The following NUMA1 variants were observed in gnomAD, a reference collection of about 807,000 sequenced individuals.
NUMA1 encodes the protein nuclear mitotic apparatus protein 1.
Under a neutral mutation model 237.1 loss-of-function variants are expected in NUMA1, and 62 were observed. The observed-to-expected ratio is 0.26, with a 90% CI of 0.21 to 0.32. NUMA1 has a LOEUF of 0.32. NUMA1 is among the 10% of genes least tolerant of loss of function. The pLI, the probability that NUMA1 is intolerant of heterozygous loss-of-function variation, is 1.00. For missense variants in NUMA1, 2,533 were observed against 2,666.5 expected, an observed-to-expected ratio of 0.95 and a Z score of 1.10; for synonymous variants, 1,028 against 1,066.1, an observed-to-expected ratio of 0.96 and a Z score of 0.70.
rs141971998 is a variant in NUMA1, at chr11:72,074,194, C to CAAAACAAAAACAAAGACAAAA, written c.-102-4284_-102-4283insTTTTGTCTTTGTTTTTGTTTT. 2.7e-4 allele frequency among the ~76,000 whole-genome samples: 41 copies of CAAAACAAAAACAAAGACAAAA among 149,908 alleles called. No homozygotes were observed. The East Asian group carries it at 3.4e-3, about 12-fold the overall frequency. On this transcript the variant is annotated intron_variant, in intron 1 of 26. Transcript: ENST00000393695. ...GGGCACCAGGAGCGAAACTCCATCTCAAAAAAAATTAACCAGACGGTAGTG... is the reference window on the plus strand; with the variant it reads ...GGGCACCAGGAGCGAAACTCCATCTCAAAACAAAAACAAAGACAAAAAAAAAAAATTAACCAGACGGTAGTG...
At chr11:72,055,974 AC>A (rs1942615035) in intron 2 of NUMA1, among the ~76,000 whole-genome samples, 1 of 4,540 alleles carries the variant, frequency 2.2e-4, no homozygotes, top group Non-Finnish European at 2.5e-3. Flanking sequence ...ATACACACAC[AC>A]ACACACACAC....
rs1368647971 is a variant in NUMA1, at chr11:72,003,909, G to A, written c.6314C>T (p.Ala2105Val). ...ASAATAAAIG[A>V]TPRAKGKAKH Reference sequence around the variant, plus strand: ...TACCTTGCCCTTGGCTCGAGGGGTGGCACCAATGGCGGCAGCAGTGGCGGC... The same window carrying A: ...TACCTTGCCCTTGGCTCGAGGGGTGACACCAATGGCGGCAGCAGTGGCGGC... Residue 2105 changes from alanine to valine, a missense_variant, in exon 26 of 27, where the codon GCC (alanine) becomes GTC (valine). Coordinates refer to ENST00000393695, the MANE Select transcript of NUMA1 (RefSeq NM_006185.4). 3 of 1,613,652 alleles carry A rather than the reference G, an allele frequency of 1.9e-6. No individual in the cohort carries two copies. The highest frequency in any genetic ancestry group is 1.7e-6 in the Non-Finnish European group (2 of 1,179,868).
At chr11:72,018,371 G>C in intron 11 of NUMA1, 25 bp downstream of exon 11, 1 of 1,608,876 alleles carries the variant, frequency 6.2e-7, no homozygotes, top group South Asian at 1.1e-5. Context: ...CTGGGGCCTG[G>C]GAAGGAATGC....
intron 4 of NUMA1, among the ~76,000 whole-genome samples, chr11:72,026,772 G>A (rs888382555): frequency 1.2e-4 from 19 of 152,134 alleles, no homozygotes; most frequent in African/African-American, 4.3e-4. Flanking sequence ...GCCTTCTGCT[G>A]AGAACTAGGC....
chr11:72,027,840 A>T (rs1277821036), intron 4 of NUMA1, among the ~76,000 whole-genome samples: 1 of 152,218 alleles, frequency 6.6e-6, no homozygotes, highest in Non-Finnish European at 1.5e-5. Flanking sequence ...AGAATGAGGC[A>T]GAGGGAGGGA....
intron 22 of NUMA1, 62 bp downstream of exon 22, chr11:72,005,973 T>C (rs1955658149): frequency 7.4e-7 from 1 of 1,349,396 alleles, no homozygotes; most frequent in Non-Finnish European, 1.0e-6. Flanking sequence ...CTCTTTTCCC[T>C]GTGCCACGAT....
chr11:72,008,661 A>C (rs1228695391), intron 20 of NUMA1, 27 bp downstream of exon 20: 13 of 1,612,714 alleles, frequency 8.1e-6, no homozygotes, highest in Non-Finnish European at 1.1e-5. Context: ...CCATAAACAG[A>C]CATAGGGAGG....
rs1285224449 is a variant in NUMA1, at chr11:72,004,107, GA to G, written c.6124-9del. On this transcript the variant is annotated splice_polypyrimidine_tract_variant and intron_variant, in intron 25 of 26. Coordinates refer to ENST00000393695, the MANE Select transcript of NUMA1 (RefSeq NM_006185.4). ...CGACTGGCGCCGGTCAGCCTGCAAG[GA>G]AGGGCTGTCAGACCGGGAGACCCAA... 6.2e-7 allele frequency: 1 copy of G among 1,613,086 alleles called. No individual in the cohort carries two copies. Among genetic ancestry groups the G allele is most frequent in the Admixed American group, 1.7e-5 (1 of 59,800 alleles).
At chr11:72,023,731 A>C (rs1939207428) in intron 5 of NUMA1, among the ~76,000 whole-genome samples, 1 of 152,120 alleles carries the variant, frequency 6.6e-6, no homozygotes, top group Non-Finnish European at 1.5e-5. Flanking sequence ...CTGTACTAGA[A>C]GCTTTGCATG....
In NUMA1 at chr11:72,013,611, G is replaced by A. The variant is rs777250827; in HGVS notation, c.3892C>T (p.Arg1298Trp). The part of the protein sequence containing the change: ...SALREEVQSL[R>W]EEAEKQRVAS... Reference sequence around the variant, plus strand: ...ACCCGCTGTTTCTCAGCCTCCTCCCGGAGGCTCTGCACCTCCTCCCGCAGA... The same window carrying A: ...ACCCGCTGTTTCTCAGCCTCCTCCCAGAGGCTCTGCACCTCCTCCCGCAGA... The change falls in exon 15 of 27, where the codon CGG (arginine) becomes TGG (tryptophan). Residue 1298 changes from arginine to tryptophan, a missense_variant. Transcript: ENST00000393695. This position sits in a 1 kb window ranked among gnomAD's most constrained non-coding sequence, Gnocchi z 6.8. The A allele has an allele frequency of 1.1e-5, 17 of 1,611,130 alleles. No homozygotes were observed. Among genetic ancestry groups the A allele is most frequent in the Middle Eastern group, 1.6e-4 (1 of 6,082 alleles).
At chr11:72,019,435 A>C (rs1366174566) in intron 9 of NUMA1, 59 bp downstream of exon 9, 22 of 1,595,322 alleles carry the variant, frequency 1.4e-5, no homozygotes, top group Non-Finnish European at 1.8e-5. Context: ...AGAAGTTAGG[A>C]ATGTGAGGAA....
At chr11:72,059,932 ATTGTTTTAATTTATATC>A (rs1376601444) in intron 2 of NUMA1, among the ~76,000 whole-genome samples, 2 of 152,194 alleles carry the variant, frequency 1.3e-5, no homozygotes, top group African/African-American at 2.4e-5. Context: ...AGAATATATT[ATTGTTTTAATTTATATC>A]TTATTTCCAG....
rs1167424126 is a variant in NUMA1 at position 72,031,717 on chromosome 11, C to T, written c.43-2427G>A. Among the ~76,000 whole-genome samples the T allele has an allele frequency of 2.0e-5, 3 of 151,992 alleles. No homozygotes were observed. In the East Asian group the frequency reaches 5.8e-4, roughly 29 times the overall value. ...TAGTCCCTGCTACTCGGGAGGCTGA[C>T]GTGGGAAGATCGCTTGAGCCTGGGA... On this transcript the variant is annotated intron_variant, in intron 3 of 26. Coordinates refer to ENST00000393695, the MANE Select transcript of NUMA1 (RefSeq NM_006185.4).
rs189406368 is a variant in NUMA1 at position 72,048,186 on chromosome 11, T to C, written c.-32-12211A>G. 2.9e-3 allele frequency among the ~76,000 whole-genome samples: 435 copies of C among 152,254 alleles called. 1 individual carries two copies. The highest frequency in any genetic ancestry group is 0.01 in the African/African-American group (417 of 41,526). On this transcript the variant is annotated intron_variant, in intron 2 of 26. Transcript: ENST00000393695. ...ATCTCCGCTCACCGCAACCTCTGCC[T>C]CCCGGGTTCATGTGATTCTTGTACC... is the stretch of plus-strand genomic sequence containing the variant.
At chr11:72,066,400 A>C (rs1464742339) in intron 2 of NUMA1, 2 of 152,224 alleles carry the variant, frequency 1.3e-5, no homozygotes, top group African/African-American at 4.8e-5. Flanking sequence ...CATGAAGAAT[A>C]AAATCCAAAT....
At position 72,012,449 on chromosome 11, in the gene NUMA1, A is replaced by G. The variant is rs372055662; in HGVS notation, c.4609-7T>C. The stretch of plus-strand genomic sequence containing the variant: ...ATACCTCTAGCTGCTCCACCTGTAC[A>G]TGGGGGAGGAGCAACAGAGACAGAG... On this transcript the variant is annotated splice_region_variant and splice_polypyrimidine_tract_variant and intron_variant, in intron 15 of 26. Transcript: ENST00000393695. 9 of 1,612,054 alleles carry G rather than the reference A, an allele frequency of 5.6e-6. No homozygotes were observed. The highest frequency in any genetic ancestry group is 3.3e-4 in the Middle Eastern group (2 of 6,026).
intron 2 of NUMA1, among the ~76,000 whole-genome samples, chr11:72,056,325 C>CTT (rs34278553): frequency 0.017 from 2,343 of 139,828 alleles, 66 homozygotes; most frequent in African/African-American, 0.057. Context: ...TCCCATCTCT[C>CTT]TTTTTTTTTT....
intron 2 of NUMA1, among the ~76,000 whole-genome samples, chr11:72,046,552 G>T (rs201311534): frequency 1.3e-5 from 2 of 149,970 alleles, no homozygotes; most frequent in Non-Finnish European, 3.0e-5. Flanking sequence ...CTCAAAAAAA[G>T]AAGAAAAAGA....
chr11:72,024,941 A>G, intron 4 of NUMA1: 1 of 154,324 alleles, frequency 6.5e-6, no homozygotes, highest in Non-Finnish European at 1.4e-5. Flanking sequence ...TCTGTTGCCC[A>G]GGCTGGAGTG....
Sources: gnomAD v4.1 joint callset for allele counts (sites outside exome capture counted in the v4.1 genomes callset) on GRCh38, gnomAD v4.1.1 for gene constraint, Gnocchi (gnomAD v3.1) non-coding constraint, MANE v1.5 for transcripts, NCBI Gene and HGNC (gene_info 2026-07-23, HGNC 2026-07-21) for gene names.